The following SWT1 variants were observed in gnomAD, a reference collection of about 807,000 sequenced individuals.
The protein encoded by SWT1 is SWT1 RNA endoribonuclease homolog.
SWT1 carries 33 observed loss-of-function variants against 107.3 expected under a neutral mutation model. That is an observed-to-expected ratio of 0.31 (90% CI 0.23 to 0.41). The LOEUF (loss-of-function observed/expected upper bound fraction) is 0.41, where lower values mean the gene tolerates loss of function less well. SWT1 is among the 10% of genes least tolerant of loss of function. The probability of loss-of-function intolerance (pLI) is 1.00; values close to 1 mark genes in which losing one functional copy is unlikely to be tolerated. For synonymous variants in SWT1, 345 were observed against 348.3 expected (o/e 0.99, Z 0.11); for missense variants, 898 against 1,028.9 (o/e 0.87, Z 1.74).
chr1:185,282,493 CA>C, intron 18 of SWT1, among the ~76,000 whole-genome samples: 1 of 151,922 alleles, frequency 6.6e-6, no homozygotes, highest in Admixed American at 6.6e-5. Flanking sequence ...CCCCTTCCAA[CA>C]TATGCTTGGT....
chr1:185,191,033 T>A (rs1484965528), intron 10 of SWT1, among the ~76,000 whole-genome samples: 1 of 152,188 alleles, frequency 6.6e-6, no homozygotes, highest in African/African-American at 2.4e-5. Context: ...ATTACAGAGT[T>A]AGACTGCCTG....
At chr1:185,208,314 C>T (rs1341181741) in intron 13 of SWT1, among the ~76,000 whole-genome samples, 1 of 152,058 alleles carries the variant, frequency 6.6e-6, no homozygotes, top group Non-Finnish European at 1.5e-5. Flanking sequence ...GAGTTGTTCT[C>T]AGAGGAGTAA....
In SWT1 at chr1:185,214,645, C is replaced by G; in HGVS notation, c.2111C>G (p.Thr704Arg). The change falls in exon 14 of 19, where the codon ACA (threonine) becomes AGA (arginine). Residue 704 changes from threonine (T) to arginine (R), a missense_variant. Thr to Arg is a moderately conservative substitution (Grantham distance 71). Transcript: ENST00000367500. ...TFAQVNNLLQ[T>R]FAEVKTKLKP... is the part of the protein sequence containing the mutation. ...GCTCAAGTAAACAACCTCCTTCAGA[C>G]ATTTGCAGAGGTAAGATGCCTTTGG... The G allele has an allele frequency of 6.2e-7, 1 of 1,608,358 alleles. No homozygotes were observed. The highest frequency in any genetic ancestry group is 8.5e-7 in the Non-Finnish European group (1 of 1,177,846).
intron 16 of SWT1, among the ~76,000 whole-genome samples, chr1:185,246,413 A>G (rs919566643): frequency 6.6e-6 from 1 of 151,916 alleles, no homozygotes; most frequent in Non-Finnish European, 1.5e-5. Flanking sequence ...AGTAGCTGGG[A>G]CTACAGGCAT....
At chr1:185,216,202 G>T (rs767935143) in intron 14 of SWT1, among the ~76,000 whole-genome samples, 2 of 152,108 alleles carry the variant, frequency 1.3e-5, no homozygotes, top group Non-Finnish European at 2.9e-5. Flanking sequence ...TATTTAAGGG[G>T]TGATATGATC....
chr1:185,263,917 A>AT (rs1663201856), intron 16 of SWT1: 1 of 152,236 alleles, frequency 6.6e-6, no homozygotes, highest in African/African-American at 2.4e-5. Flanking sequence ...GGGCTTCAAC[A>AT]TATTGATATT....
chr1:185,285,798 T>C (rs760266434), intron 18 of SWT1, among the ~76,000 whole-genome samples: 2 of 152,194 alleles, frequency 1.3e-5, no homozygotes, highest in African/African-American at 2.4e-5. Flanking sequence ...CTAATAGTAT[T>C]ATTGTTGAAG....
chr1:185,273,883 G>A (rs1664059422), intron 17 of SWT1, among the ~76,000 whole-genome samples: 1 of 151,858 alleles, frequency 6.6e-6, no homozygotes, highest in Non-Finnish European at 1.5e-5. Context: ...TGGTGGCTGT[G>A]ATCCCAGTGA....
chr1:185,177,364 G>GTAGAATTAC (rs555111135), intron 5 of SWT1, among the ~76,000 whole-genome samples: 114 of 152,300 alleles, frequency 7.5e-4, no homozygotes, highest in Non-Finnish European at 1.5e-3. Flanking sequence ...TGGTCTCTAT[G>GTAGAATTAC]TAGAATTACT....
At chr1:185,199,295 T>C (rs1056660305) in intron 10 of SWT1, among the ~76,000 whole-genome samples, 7 of 152,198 alleles carry the variant, frequency 4.6e-5, no homozygotes, top group African/African-American at 2.4e-5. Context: ...GTCATTATGA[T>C]GCTAGCTGGT....
At chr1:185,186,582 A>G (rs1202611312) in intron 9 of SWT1, among the ~76,000 whole-genome samples, 1 of 152,176 alleles carries the variant, frequency 6.6e-6, no homozygotes, top group East Asian at 1.9e-4. Context: ...AAAAACATTA[A>G]TGACATATAA....
At chr1:185,201,383 G>C (rs1218341445) in intron 10 of SWT1, among the ~76,000 whole-genome samples, 1 of 152,262 alleles carries the variant, frequency 6.6e-6, no homozygotes, top group Admixed American at 6.5e-5. Flanking sequence ...TAGTGATGTA[G>C]GCACCCGAGG....
chr1:185,169,471 A>T (rs1034081770), intron 4 of SWT1, among the ~76,000 whole-genome samples: 1 of 152,170 alleles, frequency 6.6e-6, no homozygotes, highest in Non-Finnish European at 1.5e-5. Context: ...TGGTGTGCAA[A>T]CAGTGAAAGC....
At chr1:185,195,748 G>C (rs1055942500) in intron 10 of SWT1, among the ~76,000 whole-genome samples, 6 of 152,204 alleles carry the variant, frequency 3.9e-5, no homozygotes, top group Non-Finnish European at 5.9e-5. Context: ...CTAATGACCA[G>C]TAATGATGAG....
Position 185,165,913 on chromosome 1 carries a change from G to A in SWT1, c.85-659G>A, listed in dbSNP as rs567551521. Reference sequence around the variant, plus strand: ...ACTTTATTTAGGTCTCCATTCAGATGTCAGCTCGTACCTGGGGTCTGACTA... The same window carrying A: ...ACTTTATTTAGGTCTCCATTCAGATATCAGCTCGTACCTGGGGTCTGACTA... On this transcript the variant is annotated intron_variant, in intron 2 of 18. Coordinates refer to ENST00000367500, the MANE Select transcript of SWT1 (RefSeq NM_017673.7). 2.6e-5 allele frequency among the ~76,000 whole-genome samples: 4 copies of A among 152,268 alleles called. No homozygotes were observed. In the South Asian group the frequency reaches 6.2e-4, roughly 24 times the overall value.
chr1:185,280,871 G>A (rs1571704796), intron 18 of SWT1: 1 of 453,982 alleles, frequency 2.2e-6, no homozygotes, highest in Admixed American at 2.4e-5. Flanking sequence ...GCAGAAGGTG[G>A]TGGTCTACCC....
intron 16 of SWT1, among the ~76,000 whole-genome samples, chr1:185,269,190 A>G (rs973429765): frequency 6.6e-6 from 1 of 152,106 alleles, no homozygotes; most frequent in Non-Finnish European, 1.5e-5. Flanking sequence ...GTTAGAACAC[A>G]CTAGTTTGTT....
intron 15 of SWT1, among the ~76,000 whole-genome samples, chr1:185,224,879 C>T (rs571930210): frequency 1.3e-5 from 2 of 152,080 alleles, no homozygotes; most frequent in South Asian, 4.1e-4. Flanking sequence ...AAGAGTTTTC[C>T]ATATATACGA....
At chr1:185,256,769 C>G (rs1342538782) in intron 16 of SWT1, among the ~76,000 whole-genome samples, 3 of 152,188 alleles carry the variant, frequency 2.0e-5, no homozygotes, top group East Asian at 3.9e-4. Context: ...CTGAAGCGTT[C>G]TTTTCTCAGC....
Sources: gnomAD v4.1 joint callset for allele counts (sites outside exome capture counted in the v4.1 genomes callset) on GRCh38, gnomAD v4.1.1 for gene constraint, MANE v1.5 for transcripts, NCBI Gene and HGNC (gene_info 2026-07-23, HGNC 2026-07-21) for gene names.